Variants in CCNL1 observed in about 807,000 individuals in gnomAD.
The protein encoded by CCNL1 is cyclin L1.
A neutral mutation model predicts 60.6 loss-of-function variants in CCNL1; 13 were observed. The ratio of observed to expected loss-of-function variants is 0.21; its 90% CI spans 0.14 to 0.34. The LOEUF is 0.34. Among genes scored for constraint, CCNL1 ranks in the 10% least tolerant of loss-of-function variants. CCNL1 has a pLI of 1.00. For synonymous variants in CCNL1, 270 were observed against 244.3 expected (o/e 1.10, Z -0.98); for missense variants, 481 against 664.3 (o/e 0.72, Z 3.03).
chr3:157,156,409 G>A (rs1490007727), intron 3 of CCNL1, among the ~76,000 whole-genome samples: 2 of 152,182 alleles, frequency 1.3e-5, no homozygotes, highest in African/African-American at 4.8e-5. Context: ...ATTTACTAAT[G>A]AGAATGGTTA....
At chr3:157,152,379 T>C (rs932505388) in intron 4 of CCNL1, 138 bp from the exon 5 acceptor site, 12 of 1,408,230 alleles carry the variant, frequency 8.5e-6, no homozygotes, top group Non-Finnish European at 1.1e-5. Context: ...TAAATGTACA[T>C]AAGATTCTAA....
At position 157,150,154 on chromosome 3, in the gene CCNL1, G is replaced by T; in HGVS notation, c.790C>A (p.Arg264Ser). 1 of 1,612,228 alleles carries T rather than the reference G, an allele frequency of 6.2e-7. No homozygotes were observed. Among genetic ancestry groups the T allele is most frequent in the Non-Finnish European group, 8.5e-7 (1 of 1,179,486 alleles). ...ARALQIPLPTRPHWFLLFGTT... is the reference protein window; with the variant it reads ...ARALQIPLPTSPHWFLLFGTT... ...CCAAAAAGAAGAAACCAATGGGGAC[G>T]AGTTGGCAACGGAATCTAAACCATA... Residue 264 changes from arginine to serine, a missense_variant, in exon 7 of 11, where the codon CGT (arginine) becomes AGT (serine). Arg to Ser is a moderately radical substitution (Grantham distance 110, BLOSUM62 -1). Around this residue, in one of 5 missense-constraint regions of CCNL1, gnomAD observed 75 missense variants for 129.6 expected, o/e 0.58. Coordinates refer to ENST00000295926, the MANE Select transcript of CCNL1 (RefSeq NM_020307.4).
At chr3:157,150,475 TTCTTC>T in intron 5 of CCNL1, 94 bp from the exon 6 acceptor site, 2 of 1,490,322 alleles carry the variant, frequency 1.3e-6, no homozygotes, top group Non-Finnish European at 1.8e-6. Context: ...TTATTCTTTT[TTCTTC>T]TCTTATTTAT....
downstream of CCNL1, among the ~76,000 whole-genome samples, chr3:157,145,453 AAAAAAAAAAAACC>A (rs1195770941): frequency 5.4e-5 from 8 of 148,846 alleles, 1 homozygote; most frequent in African/African-American, 1.7e-4. Context: ...AAAAAAAAAA[AAAAAAAAAAAACC>A]AAAACGGGAT....
downstream of CCNL1, among the ~76,000 whole-genome samples, chr3:157,144,529 A>C (rs377438430): frequency 1.3e-3 from 202 of 152,360 alleles, 1 homozygote; most frequent in South Asian, 6.6e-3. Flanking sequence ...GAATGTTCAA[A>C]TGATTACAAA....
rs1560201900 is a variant in CCNL1, at chr3:157,157,772, T to TA, written c.488+1093dup. On this transcript the variant is annotated intron_variant, in intron 3 of 10. Coordinates refer to ENST00000295926, the MANE Select transcript of CCNL1 (RefSeq NM_020307.4). ...CTTTTTGACTAGGATACTCTTTTTT[T>TA]AAAAAAGAACTGTCTGTAGACTCAC... is the stretch of plus-strand genomic sequence containing the variant. 2.6e-5 allele frequency among the ~76,000 whole-genome samples: 4 copies of TA among 152,194 alleles called. No homozygotes were observed. The South Asian group carries it at 8.3e-4, about 32-fold the overall frequency.
intron 5 of CCNL1, 182 bp from the exon 6 acceptor site, chr3:157,150,563 C>A: frequency 1.5e-6 from 2 of 1,342,916 alleles, no homozygotes; most frequent in Non-Finnish European, 9.6e-7. Context: ...GAATTTAATA[C>A]TAGGACCATA....
downstream of CCNL1, among the ~76,000 whole-genome samples, chr3:157,144,592 G>A (rs1737728475): frequency 6.6e-6 from 1 of 152,240 alleles, no homozygotes; most frequent in Non-Finnish European, 1.5e-5. Context: ...ATCAGGCTGT[G>A]GCTTCCAGCC....
chr3:157,147,048 A>C (rs1041792274), downstream of CCNL1, among the ~76,000 whole-genome samples: 1 of 152,212 alleles, frequency 6.6e-6, no homozygotes, highest in Non-Finnish European at 1.5e-5. Flanking sequence ...CCTCTTCAGA[A>C]GCTGTAACTT....
intron 5 of CCNL1, 180 bp from the exon 6 acceptor site, chr3:157,150,561 T>C: frequency 1.3e-5 from 17 of 1,345,634 alleles, no homozygotes; most frequent in Non-Finnish European, 1.6e-5. Flanking sequence ...AAGAATTTAA[T>C]ACTAGGACCA....
intron 9 of CCNL1, 33 bp downstream of exon 9, chr3:157,149,452 C>T (rs769772048): frequency 5.0e-6 from 8 of 1,609,840 alleles, no homozygotes; most frequent in Non-Finnish European, 6.8e-6. Context: ...TAAAAGATTC[C>T]TCAAGCCAGT....
At chr3:157,158,657 C>T (rs1052323531) in intron 3 of CCNL1, 19 of 428,018 alleles carry the variant, frequency 4.4e-5, no homozygotes, top group African/African-American at 3.3e-4. Flanking sequence ...AATGCAACTG[C>T]CTCTACAAAC....
chr3:157,158,754 TC>T, intron 3 of CCNL1, 111 bp downstream of exon 3: 1 of 649,006 alleles, frequency 1.5e-6, no homozygotes, highest in South Asian at 1.9e-5. Context: ...TAAATTAAAG[TC>T]CGTTTTCTTT....
rs774609871 is a variant in CCNL1 at position 157,148,245 on chromosome 3, C to T, written c.1577G>A (p.Arg526His). The T allele has an allele frequency of 3.7e-6, 6 of 1,611,600 alleles. No homozygotes were observed. Among genetic ancestry groups the T allele is most frequent in the East Asian group, 2.2e-5 (1 of 44,844 alleles). ...GSRSGHGRHR[R>H] is the part of the protein sequence containing the mutation. ...CAGGCTCAAAGGAAGAGAAAGTCAG[C>T]GCCTGTGCCTGCCATGTCCTGAGCG... The change falls in exon 11 of 11, where the codon CGC becomes CAC. Residue 526 changes from arginine to histidine, a missense_variant. Around this residue, in one of 5 missense-constraint regions of CCNL1, gnomAD observed 197 missense variants for 233.9 expected, o/e 0.84. Transcript: ENST00000295926.
rs1187401047 is a variant in CCNL1, at chr3:157,159,428, A to T, written c.355T>A (p.Ser119Thr). 6.2e-7 allele frequency: 1 copy of T among 1,614,158 alleles called. No individual in the cohort carries two copies. Among genetic ancestry groups the T allele is most frequent in the Non-Finnish European group, 8.5e-7 (1 of 1,180,008 alleles). The stretch of plus-strand genomic sequence containing the variant: ...ACCTCGAAACTGTGTTTGACGAAAG[A>T]TTTGGAGTAGAAAAAACGATGAAAC... ...VLFHRFFYSK[S>T]FVKHSFEIVA... The change falls in exon 2 of 11, where the codon TCT becomes ACT. Residue 119 changes from serine to threonine, a missense_variant. Transcript: ENST00000295926.
chr3:157,146,777 A>G (rs990686147), downstream of CCNL1, among the ~76,000 whole-genome samples: 3 of 152,204 alleles, frequency 2.0e-5, no homozygotes, highest in African/African-American at 7.2e-5. Flanking sequence ...ATAATTCAGC[A>G]ATGTGTATTA....
chr3:157,145,411 C>G (rs1175694746), downstream of CCNL1, among the ~76,000 whole-genome samples: 3 of 105,098 alleles, frequency 2.9e-5, no homozygotes, highest in Non-Finnish European at 5.4e-5. Flanking sequence ...GCACTCCAGC[C>G]TGGGAGACAG....
At position 157,149,930 on chromosome 3, in the gene CCNL1, G is replaced by T. The variant is rs771600831; in HGVS notation, c.927C>A (p.Ala309=). The T allele has an allele frequency of 1.2e-6, 2 of 1,613,960 alleles. No individual in the cohort carries two copies. The highest frequency in any genetic ancestry group is 1.7e-5 in the Admixed American group (1 of 59,988). ...LEKEVEKRKV[A]LQEAKLKAKG... is the part of the protein sequence containing the mutation. ...TTGCTTTTAATTTGGCTTCTTGTAA[G>T]GCTACTTTTCTTTTTTCTACTTCTT... The change falls in exon 8 of 11, where the codon GCC becomes GCA. Residue 309 remains alanine, a synonymous_variant. Coordinates refer to ENST00000295926, the MANE Select transcript of CCNL1 (RefSeq NM_020307.4).
At chr3:157,145,642 G>T (rs1251410813), downstream of CCNL1, among the ~76,000 whole-genome samples, 2 of 152,108 alleles carry the variant, frequency 1.3e-5, no homozygotes, top group Non-Finnish European at 2.9e-5. Flanking sequence ...TGAGAACTCA[G>T]TAAAATACCT....
Sources: allele counts gnomAD v4.1 joint callset (sites outside exome capture counted in the v4.1 genomes callset), GRCh38; gene constraint gnomAD v4.1.1; regional missense constraint gnomAD v4.1.1; transcripts MANE v1.5; gene names NCBI Gene and HGNC (gene_info 2026-07-23, HGNC 2026-07-21).